The following REV3L variants were observed in gnomAD, a reference collection of about 807,000 sequenced individuals.
REV3L encodes the protein DNA polymerase zeta catalytic subunit.
In REV3L, 69 loss-of-function variants were observed where a neutral mutation model predicts 299.4. The observed-to-expected ratio is 0.23, with a 90% CI of 0.19 to 0.28. The LOEUF (loss-of-function observed/expected upper bound fraction) is 0.28, where lower values mean the gene tolerates loss of function less well. Among genes scored for constraint, REV3L ranks in the 10% least tolerant of loss-of-function variants. The pLI, the probability that REV3L is intolerant of heterozygous loss-of-function variation, is 1.00. For synonymous variants in REV3L, 1,238 were observed against 1,271.4 expected (o/e 0.97, Z 0.56); for missense variants, 3,128 against 3,693.8 (o/e 0.85, Z 3.97).
intron 20 of REV3L, among the ~76,000 whole-genome samples, chr6:111,344,600 G>A (rs188847426): frequency 6.6e-4 from 100 of 152,232 alleles, no homozygotes; most frequent in Middle Eastern, 3.4e-3. Context: ...TTCCAAATAC[G>A]TAAGTGAAAG....
At chr6:111,424,726 C>CAG (rs1785965448) in intron 1 of REV3L, among the ~76,000 whole-genome samples, 4 of 152,220 alleles carry the variant, frequency 2.6e-5, no homozygotes, top group Admixed American at 2.6e-4. Flanking sequence ...TGCTGAACAA[C>CAG]ACTCCATTCC....
At position 111,367,241 on chromosome 6, in the gene REV3L, A is replaced by G. The variant is rs142323372; in HGVS notation, c.6547T>C (p.Ser2183Pro). The G allele has an allele frequency of 2.5e-6, 4 of 1,613,952 alleles. No individual in the cohort carries two copies. The African/African-American group carries it at 4.0e-5, about 16-fold the overall frequency. ...GTTCTTGCCCTAGTATTAATTGGAG[A>G]TATCACTAGAGGCTCTTGAGGCTCA... Reference protein sequence around the residue: ...CSEPQEPLVISPINTRARTGK... With the variant: ...CSEPQEPLVIPPINTRARTGK... Residue 2183 changes from serine (S) to proline (P), a missense_variant, in exon 14 of 32, where the codon TCT becomes CCT. Ser to Pro is a moderately conservative substitution (Grantham distance 74). Around this residue, in one of 9 missense-constraint regions of REV3L, gnomAD observed 2,409 missense variants for 2,611.8 expected, o/e 0.92. Coordinates refer to ENST00000368802, the MANE Select transcript of REV3L (RefSeq NM_001372078.1).
At chr6:111,366,141 A>G (rs183693547) in intron 14 of REV3L, among the ~76,000 whole-genome samples, 92 of 152,310 alleles carry the variant, frequency 6.0e-4, no homozygotes, top group Non-Finnish European at 7.8e-4. Context: ...AAATAAGGAA[A>G]ACTGAAAGAA....
chr6:111,403,899 T>C (rs1783345620), intron 4 of REV3L, among the ~76,000 whole-genome samples: 1 of 152,220 alleles, frequency 6.6e-6, no homozygotes, highest in East Asian at 1.9e-4. Flanking sequence ...TTAACAGTGC[T>C]ACTCCAATGG....
chr6:111,433,266 T>TA (rs1787159802), intron 1 of REV3L, among the ~76,000 whole-genome samples: 3 of 151,870 alleles, frequency 2.0e-5, no homozygotes, highest in African/African-American at 7.2e-5. Flanking sequence ...TTGTTTTTTT[T>TA]AAAAAGACAA....
chr6:111,313,617 G>A, intron 27 of REV3L, 128 bp from the exon 28 acceptor site: 1 of 910,050 alleles, frequency 1.1e-6, no homozygotes, highest in Non-Finnish European at 1.6e-6. Flanking sequence ...ATGACTTTGG[G>A]CCCAACAAAT....
In REV3L at chr6:111,315,329, G is replaced by C; in HGVS notation, c.8404C>G (p.Gln2802Glu). 6.2e-7 allele frequency: 1 copy of C among 1,613,976 alleles called. No homozygotes were observed. The highest frequency in any genetic ancestry group is 8.5e-7 in the Non-Finnish European group (1 of 1,179,978). Residue 2802 changes from glutamine to glutamate, a missense_variant, in exon 27 of 32, where the codon CAG becomes GAG. Physicochemically the swap from Gln to Glu is conservative, Grantham distance 29. This residue lies in a region of REV3L where 37 missense variants were observed against 100.1 expected (regional missense o/e 0.37). Transcript: ENST00000368802. Reference sequence around the variant, plus strand: ...GCAGTTACAGCTTCGGCAATTTCCTGACCAATCTTAAAAGACTGCTCCTTA... The same window carrying C: ...GCAGTTACAGCTTCGGCAATTTCCTCACCAATCTTAAAAGACTGCTCCTTA... ...ATKEQSFKIG[Q>E]EIAEAVTATN... is the part of the protein sequence containing the mutation.
intron 1 of REV3L, among the ~76,000 whole-genome samples, chr6:111,425,269 G>T (rs1039025484): frequency 6.6e-6 from 1 of 152,030 alleles, no homozygotes; most frequent in Non-Finnish European, 1.5e-5. Flanking sequence ...CCATCCTGGC[G>T]AACATGGAAA....
chr6:111,462,261 T>C (rs1323183007), intron 1 of REV3L, among the ~76,000 whole-genome samples: 1 of 152,068 alleles, frequency 6.6e-6, no homozygotes, highest in Non-Finnish European at 1.5e-5. Context: ...ATGTATGAAA[T>C]TCATGGCAAA....
chr6:111,436,741 A>G (rs573195013), intron 1 of REV3L, among the ~76,000 whole-genome samples: 3 of 152,316 alleles, frequency 2.0e-5, no homozygotes, highest in African/African-American at 7.2e-5. Context: ...ATAGTTTACA[A>G]TAATATGTTG....
chr6:111,452,118 T>A (rs1360136869), intron 1 of REV3L, among the ~76,000 whole-genome samples: 2 of 150,492 alleles, frequency 1.3e-5, no homozygotes, highest in African/African-American at 5.0e-5. Flanking sequence ...GTTCAGATTC[T>A]TAGACCTTAG....
chr6:111,384,105 A>C (rs1170815540), intron 9 of REV3L, among the ~76,000 whole-genome samples: 2 of 152,212 alleles, frequency 1.3e-5, no homozygotes, highest in Non-Finnish European at 2.9e-5. Flanking sequence ...AATTAAATCA[A>C]AATGAATTAA....
At chr6:111,455,363 C>T (rs921307144) in intron 1 of REV3L, among the ~76,000 whole-genome samples, 2 of 152,086 alleles carry the variant, frequency 1.3e-5, no homozygotes, top group Admixed American at 1.3e-4. Flanking sequence ...ACAGCATATG[C>T]AAAGTCATGA....
chr6:111,361,403 A>AC (rs1554203571), intron 16 of REV3L: 3 of 60,234 alleles, frequency 5.0e-5, no homozygotes, highest in Non-Finnish European at 2.0e-4. Context: ...AAAAAAAAAC[A>AC]AAAAACACAC....
intron 22 of REV3L, 29 bp downstream of exon 22, chr6:111,335,440 T>G (rs201954342): frequency 4.4e-5 from 70 of 1,600,102 alleles, no homozygotes; most frequent in Admixed American, 1.7e-5. Flanking sequence ...TACAGAACTT[T>G]CAAGTCTGCA....
intron 22 of REV3L, among the ~76,000 whole-genome samples, chr6:111,334,001 A>C (rs995718488): frequency 1.3e-5 from 2 of 151,398 alleles, no homozygotes; most frequent in African/African-American, 4.9e-5. Flanking sequence ...TGCAATGGCA[A>C]AATCTCGGCT....
intron 25 of REV3L, among the ~76,000 whole-genome samples, chr6:111,326,815 A>G (rs929091460): frequency 3.9e-5 from 6 of 152,216 alleles, no homozygotes; most frequent in African/African-American, 1.4e-4. Context: ...TTTAAAAAAA[A>G]AAAAAGTGGC....
At chr6:111,457,737 G>A (rs1443896681) in intron 1 of REV3L, among the ~76,000 whole-genome samples, 3 of 151,784 alleles carry the variant, frequency 2.0e-5, no homozygotes, top group Non-Finnish European at 2.9e-5. Flanking sequence ...CCATATACCT[G>A]CAATTGAAAT....
intron 4 of REV3L, among the ~76,000 whole-genome samples, chr6:111,396,571 G>GAAGAA (rs1316208454): frequency 6.6e-6 from 1 of 152,090 alleles, no homozygotes; most frequent in Non-Finnish European, 1.5e-5. Context: ...ATTGGTGTTA[G>GAAGAA]TTTTTCTTTC....
Sources: allele counts gnomAD v4.1 joint callset (sites outside exome capture counted in the v4.1 genomes callset), GRCh38; gene constraint gnomAD v4.1.1; regional missense constraint gnomAD v4.1.1; transcripts MANE v1.5; gene names NCBI Gene and HGNC (gene_info 2026-07-23, HGNC 2026-07-21).